Variants in DNAH12 observed in about 807,000 individuals in gnomAD.
The protein encoded by DNAH12 is axonemal beta dynein heavy chain 12.
DNAH12 carries 285 observed loss-of-function variants against 371.5 expected under a neutral mutation model. The observed-to-expected ratio is 0.77, with a 90% CI of 0.70 to 0.85. The LOEUF is 0.85. DNAH12 is among the 40% of genes least tolerant of loss of function. DNAH12 has a pLI of 0.00. For synonymous variants in DNAH12, 1,200 were observed against 1,213.0 expected (o/e 0.99, Z 0.22); for missense variants, 3,611 against 3,689.4 (o/e 0.98, Z 0.55).
chr3:57,450,180 G>A lies in DNAH12; in HGVS notation c.3786+2663C>T, dbSNP rs371122510. Reference sequence around the variant, plus strand: ...GGAGAATCACTTGAACCTGGGAGGCGGAGGTTGTAGTGAGCCAAGATCGCA... The same window carrying A: ...GGAGAATCACTTGAACCTGGGAGGCAGAGGTTGTAGTGAGCCAAGATCGCA... On this transcript the variant is annotated intron_variant, in intron 25 of 73. Coordinates refer to ENST00000495027, the MANE Select transcript of DNAH12 (RefSeq NM_001366028.2). Among the ~76,000 whole-genome samples, 21 of 148,420 alleles carry A rather than the reference G, an allele frequency of 1.4e-4. No individual in the cohort carries two copies. In the East Asian group the frequency reaches 3.2e-3, roughly 22 times the overall value.
rs1054032888 is a variant in DNAH12 at position 57,451,017 on chromosome 3, C to T, written c.3786+1826G>A. Among the ~76,000 whole-genome samples the T allele has an allele frequency of 1.4e-4, 22 of 152,342 alleles. 1 individual carries two copies. Among genetic ancestry groups the T allele is most frequent in the African/African-American group, 5.1e-4 (21 of 41,582 alleles). On this transcript the variant is annotated intron_variant, in intron 25 of 73. Coordinates refer to ENST00000495027, the MANE Select transcript of DNAH12 (RefSeq NM_001366028.2). ...CCTGCTGCTTTGAAGTGGAATAATT[C>T]GTGCCATTCATGCTTCAGAGTGCCC...
chr3:57,309,353 G>A, intron 68 of DNAH12, 99 bp from the exon 69 acceptor site: 1 of 944,172 alleles, frequency 1.1e-6, no homozygotes. Context: ...GGGTGTATAT[G>A]TACATTAGCT....
chr3:57,316,048 G>A (rs1041214813), intron 65 of DNAH12, among the ~76,000 whole-genome samples: 2 of 151,900 alleles, frequency 1.3e-5, no homozygotes, highest in Non-Finnish European at 2.9e-5. Context: ...CCACAGTCCT[G>A]TTATCTAGAT....
At chr3:57,299,265 T>C (rs2061296999) in intron 70 of DNAH12, among the ~76,000 whole-genome samples, 4 of 152,332 alleles carry the variant, frequency 2.6e-5, no homozygotes, top group Admixed American at 2.6e-4. Context: ...GTACTACCTC[T>C]GAATTAGCTA....
intron 30 of DNAH12, 34 bp from the exon 31 acceptor site, chr3:57,433,862 G>A: frequency 6.9e-7 from 1 of 1,442,010 alleles, no homozygotes; most frequent in African/African-American, 1.4e-5. Flanking sequence ...TACAATAAGA[G>A]TCTTTAAAGA....
At chr3:57,481,672 A>G (rs1470083211) in intron 13 of DNAH12, among the ~76,000 whole-genome samples, 1 of 152,216 alleles carries the variant, frequency 6.6e-6, no homozygotes, top group Admixed American at 6.5e-5. Flanking sequence ...TTCAAACTGT[A>G]CTACAAGGCT....
rs755238451 is a variant in DNAH12, at chr3:57,489,614, C to T, written c.1409G>A (p.Arg470His). ...TGTCTTCAAATCTTCACAATCCAAA[C>T]GCACCATAGTGTAATGAATCCACTG... ...LPQWIHYTMV[R>H]LDCEDLKTGL... The change falls in exon 12 of 74, where the codon CGT becomes CAT. Residue 470 changes from arginine (R) to histidine (H), a missense_variant. By Grantham distance (29) the Arg-to-His change is conservative (BLOSUM62 0). This residue lies in a region of DNAH12 where 1,314 missense variants were observed against 1,398.7 expected (regional missense o/e 0.94). Transcript: ENST00000495027. The T allele has an allele frequency of 8.2e-5, 127 of 1,542,724 alleles. No individual in the cohort carries two copies. Among genetic ancestry groups the T allele is most frequent in the East Asian group, 1.2e-4 (5 of 40,264 alleles).
rs575994779 is a variant in DNAH12 at position 57,345,955 on chromosome 3, T to TA, written c.9674+6129dup. Reference sequence around the variant, plus strand: ...AAATTTTTCCAGTATATTTATTTTTTAAAAATCTGTGTATAAGTGGACTGC... The same window carrying TA: ...AAATTTTTCCAGTATATTTATTTTTTAAAAAATCTGTGTATAAGTGGACTGC... On this transcript the variant is annotated intron_variant, in intron 60 of 73. Coordinates refer to ENST00000495027, the MANE Select transcript of DNAH12 (RefSeq NM_001366028.2). 1.1e-4 allele frequency among the ~76,000 whole-genome samples: 16 copies of TA among 152,280 alleles called. No individual in the cohort carries two copies. The East Asian group carries it at 2.7e-3, about 26-fold the overall frequency.
intron 32 of DNAH12, among the ~76,000 whole-genome samples, chr3:57,431,777 T>C (rs2064962845): frequency 6.6e-6 from 1 of 152,230 alleles, no homozygotes; most frequent in African/African-American, 2.4e-5. Context: ...CTCTCAGTGC[T>C]ACCCAGAAGT....
chr3:57,299,680 T>C (rs1170803945), intron 70 of DNAH12, among the ~76,000 whole-genome samples: 1 of 152,074 alleles, frequency 6.6e-6, no homozygotes, highest in Non-Finnish European at 1.5e-5. Flanking sequence ...TTAGCACCCT[T>C]ATAAGAAGAA....
chr3:57,508,508 C>G lies in DNAH12; in HGVS notation c.575G>C (p.Ser192Thr), dbSNP rs2067860723. 6.2e-7 allele frequency: 1 copy of G among 1,612,194 alleles called. No individual in the cohort carries two copies. Among genetic ancestry groups the G allele is most frequent in the Non-Finnish European group, 8.5e-7 (1 of 1,179,570 alleles). The change falls in exon 7 of 74, where the codon AGC becomes ACC. Residue 192 changes from serine to threonine, a missense_variant. Physicochemically the swap from Ser to Thr is moderately conservative, Grantham distance 58. Coordinates refer to ENST00000495027, the MANE Select transcript of DNAH12 (RefSeq NM_001366028.2). ...GLDYSNPWHS[S>T]YVQARNQIFS... ...TATTTGATTTCTTGCCTGCACATAG[C>G]TAGAATGCCAAGGATTAGAATAATC... is the stretch of plus-strand genomic sequence containing the variant.
intron 2 of DNAH12, among the ~76,000 whole-genome samples, chr3:57,527,050 G>A (rs959838068): frequency 7.2e-5 from 11 of 152,106 alleles, no homozygotes; most frequent in South Asian, 2.1e-4. Context: ...GGCCAGGCTC[G>A]TCTCAAACTC....
intron 59 of DNAH12, 75 bp from the exon 60 acceptor site, chr3:57,352,300 A>T: frequency 7.2e-7 from 1 of 1,394,800 alleles, no homozygotes; most frequent in African/African-American, 1.5e-5. Flanking sequence ...TAACATATAC[A>T]CTTTTTATTT....
chr3:57,554,681 T>G, the DNAH12 span, among the ~76,000 whole-genome samples: 1 of 152,062 alleles, frequency 6.6e-6, no homozygotes, highest in African/African-American at 2.4e-5. Flanking sequence ...AATGGCATGA[T>G]CTCAACTCAC....
intron 11 of DNAH12, among the ~76,000 whole-genome samples, chr3:57,497,577 C>A (rs893264498): frequency 6.6e-6 from 1 of 152,158 alleles, no homozygotes; most frequent in Non-Finnish European, 1.5e-5. Flanking sequence ...ACACCACATA[C>A]AAAAGTTAAC....
At chr3:57,380,951 C>T (rs1051310545) in intron 50 of DNAH12, among the ~76,000 whole-genome samples, 16 of 152,144 alleles carry the variant, frequency 1.1e-4, no homozygotes, top group African/African-American at 2.2e-4. Context: ...CTTGCATAAA[C>T]GCCATCACAA....
chr3:57,455,407 A>T (rs1000291539), intron 22 of DNAH12, among the ~76,000 whole-genome samples: 1 of 150,980 alleles, frequency 6.6e-6, no homozygotes, highest in Non-Finnish European at 1.5e-5. Flanking sequence ...TCTACTAAAA[A>T]TAAAAAAAAA....
At chr3:57,529,403 T>C (rs2153399822) in intron 2 of DNAH12, among the ~76,000 whole-genome samples, 1 of 152,324 alleles carries the variant, frequency 6.6e-6, no homozygotes, top group Middle Eastern at 3.4e-3. Context: ...TTATTATGGC[T>C]TCAATCTCAT....
At chr3:57,467,187 C>T (rs547396661) in intron 17 of DNAH12, among the ~76,000 whole-genome samples, 8 of 152,030 alleles carry the variant, frequency 5.3e-5, no homozygotes, top group Admixed American at 1.3e-4. Flanking sequence ...GGCATGATCT[C>T]GGCTCACTGC....
Sources: allele counts gnomAD v4.1 joint callset (sites outside exome capture counted in the v4.1 genomes callset), GRCh38; gene constraint gnomAD v4.1.1; regional missense constraint gnomAD v4.1.1; transcripts MANE v1.5; gene names NCBI Gene and HGNC (gene_info 2026-07-23, HGNC 2026-07-21).